Variants in VWA3B observed in about 807,000 individuals in gnomAD.
The protein encoded by VWA3B is von Willebrand factor A domain containing 3B.
In VWA3B, 138 loss-of-function variants were observed where a neutral mutation model predicts 158.3. That is an observed-to-expected ratio of 0.87 (90% CI 0.76 to 1.00). The LOEUF is 1.00. VWA3B is among the 50% of genes least tolerant of loss of function. The pLI, the probability that VWA3B is intolerant of heterozygous loss-of-function variation, is 0.00. For missense variants in VWA3B, 1,555 were observed against 1,565.1 expected, an observed-to-expected ratio of 0.99 and a Z score of 0.11; for synonymous variants, 596 against 587.3, an observed-to-expected ratio of 1.01 and a Z score of -0.21.
At chr2:98,222,624 A>G (rs1574124012) in intron 14 of VWA3B, among the ~76,000 whole-genome samples, 2 of 152,188 alleles carry the variant, frequency 1.3e-5, no homozygotes, top group African/African-American at 4.8e-5. Flanking sequence ...TGACACAGGA[A>G]CACCTGGAGG....
intron 3 of VWA3B, among the ~76,000 whole-genome samples, chr2:98,116,872 T>C (rs1674578701): frequency 6.6e-6 from 1 of 152,242 alleles, no homozygotes; most frequent in South Asian, 2.1e-4. Context: ...GGAGTGATTC[T>C]TCAACTTTGA....
chr2:98,179,467 T>G (rs1186659294), intron 8 of VWA3B: 3 of 401,836 alleles, frequency 7.5e-6, no homozygotes, highest in Non-Finnish European at 1.5e-5. Context: ...GCACATGAGG[T>G]TTCTGAGCCT....
intron 10 of VWA3B, among the ~76,000 whole-genome samples, chr2:98,189,610 A>C (rs1681408717): frequency 6.6e-6 from 1 of 152,172 alleles, no homozygotes; most frequent in African/African-American, 2.4e-5. Flanking sequence ...AGTGTCATTC[A>C]AGTCTTTCAT....
chr2:98,266,087 G>A (rs1306673063), intron 21 of VWA3B, among the ~76,000 whole-genome samples: 1 of 149,732 alleles, frequency 6.7e-6, no homozygotes, highest in Non-Finnish European at 1.5e-5. Context: ...TGTTGCCATT[G>A]CTTTTGGTGT....
chr2:98,180,981 G>T (rs1201702752), intron 8 of VWA3B, 35 bp from the exon 9 acceptor site: 2 of 1,605,808 alleles, frequency 1.2e-6, no homozygotes. Flanking sequence ...AATGGCTCAT[G>T]CAGTATGAAT....
At position 98,125,528 on chromosome 2, in the gene VWA3B, T is replaced by C. The variant is rs1346303954; in HGVS notation, c.703-2711T>C. Among the ~76,000 whole-genome samples the C allele has an allele frequency of 6.6e-6, 1 of 152,254 alleles. No individual in the cohort carries two copies. The highest frequency in any genetic ancestry group is 1.5e-5 in the Non-Finnish European group (1 of 68,036). ...TAATTCATGCTCCACAGGACTGTTG[T>C]ATTGAGTGAGATAATTCATTTTAGT... On this transcript the variant is annotated intron_variant, in intron 5 of 27. Coordinates refer to ENST00000477737, the MANE Select transcript of VWA3B (RefSeq NM_144992.5). The surrounding 1 kb of genome is among the most constrained non-coding windows in gnomAD (Gnocchi z 4.1).
chr2:98,137,997 A>T (rs796725946), intron 7 of VWA3B, among the ~76,000 whole-genome samples: 44 of 152,338 alleles, frequency 2.9e-4, no homozygotes, highest in African/African-American at 9.9e-4. Flanking sequence ...CCATGCCATC[A>T]TGTGTGCAGG....
At position 98,255,180 on chromosome 2, in the gene VWA3B, ATATTTTTTTTTTT is replaced by A. The variant is rs1428643997; in HGVS notation, c.2793-942_2793-930del. On this transcript the variant is annotated intron_variant, in intron 20 of 27. Transcript: ENST00000477737. Reference sequence around the variant, plus strand: ...AGTCGCCCGCCACCACGCCCGGCTGATATTTTTTTTTTTTTTTTTTTTTTTTTTTTTAGTACAG... The same window carrying A: ...AGTCGCCCGCCACCACGCCCGGCTGATTTTTTTTTTTTTTTTTTAGTACAG... Among the ~76,000 whole-genome samples, 143 of 65,934 alleles carry A rather than the reference ATATTTTTTTTTTT, an allele frequency of 2.2e-3. 4 individuals carry two copies. Among genetic ancestry groups the A allele is most frequent in the African/African-American group, 8.4e-3 (129 of 15,282 alleles). The allele number at this position is 65,934 out of a possible 152,430, so 43.3% of individuals were successfully genotyped here. A position where few individuals can be genotyped will look rare whatever the true frequency, so the allele number is the denominator to read the frequency against.
At chr2:98,309,390 G>A (rs1690741838) in intron 26 of VWA3B, among the ~76,000 whole-genome samples, 1 of 152,152 alleles carries the variant, frequency 6.6e-6, no homozygotes, top group Non-Finnish European at 1.5e-5. Context: ...GTCATTGTGT[G>A]GTCCTGGGGA....
At chr2:98,128,206 G>T (rs2105012716) in intron 5 of VWA3B, 33 bp from the exon 6 acceptor site, 1 of 1,610,412 alleles carries the variant, frequency 6.2e-7, no homozygotes, top group East Asian at 2.2e-5. Context: ...GGGCATGTGA[G>T]GGAGATAAAC....
chr2:98,250,649 C>T (rs375169165), intron 20 of VWA3B, among the ~76,000 whole-genome samples: 161 of 151,688 alleles, frequency 1.1e-3, no homozygotes, highest in African/African-American at 3.5e-3. Context: ...TAAGACCAGA[C>T]TGGGCAACAA....
intron 7 of VWA3B, among the ~76,000 whole-genome samples, chr2:98,145,305 A>G (rs544804819): frequency 3.3e-5 from 5 of 152,230 alleles, no homozygotes; most frequent in African/African-American, 9.6e-5. Flanking sequence ...TGTGCCAGGC[A>G]CTCTTCCAGC....
intron 9 of VWA3B, among the ~76,000 whole-genome samples, chr2:98,182,717 C>T (rs527371664): frequency 2.6e-5 from 4 of 152,046 alleles, no homozygotes; most frequent in East Asian, 1.9e-4. Flanking sequence ...GTCAGGAGTT[C>T]GTGACCAGCC....
intron 7 of VWA3B, 125 bp from the exon 8 acceptor site, chr2:98,162,726 G>A (rs945375761): frequency 1.7e-5 from 23 of 1,322,570 alleles, no homozygotes; most frequent in Admixed American, 2.5e-5. Context: ...ATTAGTGGGG[G>A]AAGCGGAATT....
intron 7 of VWA3B, among the ~76,000 whole-genome samples, chr2:98,156,654 G>GA (rs1459270008): frequency 7.1e-6 from 1 of 139,964 alleles, no homozygotes; most frequent in African/African-American, 2.6e-5. Context: ...TGGAAAAACT[G>GA]AAAAAAACTC....
rs552384520 is a variant in VWA3B at position 98,294,971 on chromosome 2, G to A, written c.3158-2936G>A. Among the ~76,000 whole-genome samples the A allele has an allele frequency of 3.9e-5, 6 of 152,302 alleles. No homozygotes were observed. In the East Asian group the frequency reaches 1.2e-3, roughly 29 times the overall value. On this transcript the variant is annotated intron_variant, in intron 23 of 27. Coordinates refer to ENST00000477737, the MANE Select transcript of VWA3B (RefSeq NM_144992.5). ...CAGCCCTTTGTTAATTCCATGGAAA[G>A]AGTTTTTCTGCATCCGATGTGAGAG...
intron 26 of VWA3B, among the ~76,000 whole-genome samples, chr2:98,307,294 G>T (rs62155313): frequency 1.3e-5 from 2 of 152,214 alleles, no homozygotes; most frequent in Non-Finnish European, 2.9e-5. Flanking sequence ...ATAACCTGAC[G>T]TGTCCACCCT....
At chr2:98,122,738 G>A (rs4302260) in intron 5 of VWA3B, among the ~76,000 whole-genome samples, 1 of 152,144 alleles carries the variant, frequency 6.6e-6, no homozygotes, top group Admixed American at 6.5e-5. Context: ...TGCAGGATCC[G>A]CCAGTGACCC....
chr2:98,260,216 ATAT>A (rs1687396621), intron 21 of VWA3B, among the ~76,000 whole-genome samples: 1 of 151,484 alleles, frequency 6.6e-6, no homozygotes, highest in African/African-American at 2.4e-5. Context: ...GGTGTTTTGG[ATAT>A]GTTTGTTAAG....
Sources: allele counts gnomAD v4.1 joint callset (sites outside exome capture counted in the v4.1 genomes callset), GRCh38; gene constraint gnomAD v4.1.1; non-coding constraint Gnocchi (gnomAD v3.1); transcripts MANE v1.5; gene names NCBI Gene and HGNC (gene_info 2026-07-23, HGNC 2026-07-21).